PCYOX1L: variants seen among roughly 807,000 people sequenced by gnomAD.
PCYOX1L encodes prenylcysteine oxidase 1-like.
Under a neutral mutation model 44.1 loss-of-function variants are expected in PCYOX1L, and 40 were observed. The ratio of observed to expected loss-of-function variants is 0.91; its 90% CI spans 0.70 to 1.18. The LOEUF is 1.18. PCYOX1L is among the 50% of genes most tolerant of loss of function. The pLI, the probability that PCYOX1L is intolerant of heterozygous loss-of-function variation, is 0.00. For missense variants in PCYOX1L, 605 were observed against 653.3 expected (o/e 0.93, Z 0.81); for synonymous variants, 266 against 282.8 (o/e 0.94, Z 0.60).
intron 1 of PCYOX1L, among the ~76,000 whole-genome samples, chr5:149,361,183 A>G (rs1396398362): frequency 6.6e-6 from 1 of 152,198 alleles, no homozygotes; most frequent in Non-Finnish European, 1.5e-5. Flanking sequence ...CCAAGGCAGG[A>G]GGATCACTTG....
At position 149,358,059 on chromosome 5, in the gene PCYOX1L, G is replaced by C. The variant is rs913780801; in HGVS notation, c.-10G>C. 1 of 1,331,808 alleles carries C rather than the reference G, an allele frequency of 7.5e-7. No individual in the cohort carries two copies. Among genetic ancestry groups the C allele is most frequent in the Admixed American group, 3.9e-5 (1 of 25,762 alleles). The allele number at this position is 1,331,808 out of a possible 1,614,324, so 82.5% of individuals were successfully genotyped here. A position where few individuals can be genotyped will look rare whatever the true frequency, so the allele number is the denominator to read the frequency against. ...CCTGAATCCGGCGTGCTGCCCGCTC[G>C]CCGCCCGCCATGGCCCGCGCAGCCC... On this transcript the variant is annotated 5_prime_UTR_variant, in exon 1 of 6. Coordinates refer to ENST00000274569, the MANE Select transcript of PCYOX1L (RefSeq NM_024028.4).
chr5:149,358,604 C>T (rs1370058155), intron 1 of PCYOX1L, among the ~76,000 whole-genome samples: 2 of 152,140 alleles, frequency 1.3e-5, no homozygotes, highest in African/African-American at 2.4e-5. Flanking sequence ...TGAGGAAGTA[C>T]GGTGCATGCA....
chr5:149,368,550 G>C lies in PCYOX1L; in HGVS notation c.1381G>C (p.Val461Leu). The change falls in exon 6 of 6, where the codon GTG becomes CTG. Residue 461 changes from valine to leucine, a missense_variant. By Grantham distance (32) the Val-to-Leu change is conservative. Transcript: ENST00000274569. ...WAASSVEVMAVAAKNVALLAY... is the reference protein window; with the variant it reads ...WAASSVEVMALAAKNVALLAY... Reference sequence around the variant, plus strand: ...GGCCAGCTCCGTGGAGGTGATGGCCGTGGCTGCCAAGAATGTGGCCTTGCT... The same window carrying C: ...GGCCAGCTCCGTGGAGGTGATGGCCCTGGCTGCCAAGAATGTGGCCTTGCT... 6.2e-7 allele frequency: 1 copy of C among 1,600,394 alleles called. No individual in the cohort carries two copies. The highest frequency in any genetic ancestry group is 8.5e-7 in the Non-Finnish European group (1 of 1,174,710).
At chr5:149,367,112 G>A (rs1435659487) in intron 4 of PCYOX1L, among the ~76,000 whole-genome samples, 5 of 152,158 alleles carry the variant, frequency 3.3e-5, no homozygotes, top group Non-Finnish European at 5.9e-5. Flanking sequence ...CCTAGTCTGG[G>A]CATTCTGCAT....
rs1758185079 is a variant in PCYOX1L at position 149,366,033 on chromosome 5, C to T, written c.562C>T (p.Gln188Ter). Residue 188 changes from glutamine (Q) to a stop codon, truncating the protein, a stop_gained, in exon 4 of 6, where the codon CAG (glutamine) becomes TAG (stop). Transcript: ENST00000274569. LOFTEE classifies it high-confidence loss of function. ...LGESTFVNMTQHSVAESLLQV... is the reference protein window; with the variant it reads ...LGESTFVNMT ...GGAGTCCACCTTTGTTAACATGACCCAGCACTCTGTGGCTGAGTCCCTGCT... is the reference window on the plus strand; with the variant it reads ...GGAGTCCACCTTTGTTAACATGACCTAGCACTCTGTGGCTGAGTCCCTGCT... 2 of 1,614,104 alleles carry T rather than the reference C, an allele frequency of 1.2e-6. No homozygotes were observed.
Position 149,363,110 on chromosome 5 carries a change from T to C in PCYOX1L, c.295+267T>C, listed in dbSNP as rs930273598. 8 of 601,796 alleles carry C rather than the reference T, an allele frequency of 1.3e-5. No homozygotes were observed. The Admixed American group carries it at 1.5e-4, about 11-fold the overall frequency. 37.3% of individuals were successfully genotyped at this position (601,796 alleles called of 1,614,324 possible). ...TTTGCTGCCTCTAAATAATCGTGATTATATCACCTTCCACATGCTAGTGCT... is the reference window on the plus strand; with the variant it reads ...TTTGCTGCCTCTAAATAATCGTGATCATATCACCTTCCACATGCTAGTGCT... On this transcript the variant is annotated intron_variant, in intron 2 of 5. Transcript: ENST00000274569.
chr5:149,363,628 C>G, intron 2 of PCYOX1L: 1 of 233,334 alleles, frequency 4.3e-6, no homozygotes, highest in Non-Finnish European at 8.5e-6. Context: ...CAAGTCATAG[C>G]AGCTCTGTCT....
Position 149,362,699 on chromosome 5 carries a change from C to T in PCYOX1L, c.151C>T (p.Pro51Ser). Residue 51 changes from proline to serine, a missense_variant, in exon 2 of 6, where the codon CCT (proline) becomes TCT (serine). Physicochemically the swap from Pro to Ser is moderately conservative, Grantham distance 74. Coordinates refer to ENST00000274569, the MANE Select transcript of PCYOX1L (RefSeq NM_024028.4). ...CCATTTTCTCCAGCAGCACTTTGGA[C>T]CTCGGGTGCAGATCGACGTGTACGA... ...VAHFLQQHFG[P>S]RVQIDVYEKG... The T allele has an allele frequency of 1.2e-6, 2 of 1,614,198 alleles. No individual in the cohort carries two copies. Among genetic ancestry groups the T allele is most frequent in the Non-Finnish European group, 1.7e-6 (2 of 1,180,042 alleles).
intron 1 of PCYOX1L, among the ~76,000 whole-genome samples, chr5:149,358,655 G>T (rs1449018529): frequency 1.3e-5 from 2 of 152,190 alleles, no homozygotes; most frequent in African/African-American, 4.8e-5. Flanking sequence ...CCCTGGGAGG[G>T]CTTCCTGGAA....
In PCYOX1L at chr5:149,361,174, C is replaced by A. The variant is rs542370892; in HGVS notation, c.89-1463C>A. Among the ~76,000 whole-genome samples, 14 of 152,194 alleles carry A rather than the reference C, an allele frequency of 9.2e-5. 1 individual carries two copies. Among genetic ancestry groups the A allele is most frequent in the African/African-American group, 3.4e-4 (14 of 41,508 alleles). ...CTGTAATTCCAGCACTTGGGGAGGC[C>A]AAGGCAGGAGGATCACTTGAGCTCA... is the stretch of plus-strand genomic sequence containing the variant. On this transcript the variant is annotated intron_variant, in intron 1 of 5. Transcript: ENST00000274569.
intron 1 of PCYOX1L, among the ~76,000 whole-genome samples, chr5:149,361,060 A>T (rs1455133227): frequency 6.6e-6 from 1 of 152,196 alleles, no homozygotes; most frequent in Non-Finnish European, 1.5e-5. Flanking sequence ...GTAGGGTGGT[A>T]GTCCAGTTCA....
Position 149,368,534 on chromosome 5 carries a change from C to T in PCYOX1L, c.1365C>T (p.Ser455=), listed in dbSNP as rs752116845. ...ATGCCCTGGAGTGGGCGGCCAGCTC[C>T]GTGGAGGTGATGGCCGTGGCTGCCA... ...YLNALEWAAS[S]VEVMAVAAKN... The change falls in exon 6 of 6, where the codon TCC becomes TCT. Residue 455 remains serine, a synonymous_variant. Transcript: ENST00000274569. The T allele has an allele frequency of 4.4e-6, 7 of 1,608,524 alleles. No individual in the cohort carries two copies. The highest frequency in any genetic ancestry group is 2.2e-5 in the East Asian group (1 of 44,860).
rs1407344567 is a variant in PCYOX1L at position 149,366,066 on chromosome 5, G to A, written c.595G>A (p.Gly199Ser). ...TGTGGCTGAGTCCCTGCTGCAGGTG[G>A]GCGTCACGCAGCGCTTTATTGATGA... The part of the protein sequence containing the change: ...HSVAESLLQV[G>S]VTQRFIDDVV... Residue 199 changes from glycine to serine, a missense_variant, in exon 4 of 6, where the codon GGC becomes AGC. Transcript: ENST00000274569. 6.2e-7 allele frequency: 1 copy of A among 1,614,178 alleles called. No homozygotes were observed. The highest frequency in any genetic ancestry group is 1.1e-5 in the South Asian group (1 of 91,080).
At chr5:149,364,253 G>A (rs748894109) in intron 3 of PCYOX1L, 43 bp downstream of exon 3, 12 of 1,607,698 alleles carry the variant, frequency 7.5e-6, no homozygotes, top group South Asian at 5.5e-5. Context: ...CAGGGGAACC[G>A]AGAAGAGGTG....
At chr5:149,360,889 TG>T (rs1242028852) in intron 1 of PCYOX1L, among the ~76,000 whole-genome samples, 1 of 152,196 alleles carries the variant, frequency 6.6e-6, no homozygotes, top group Non-Finnish European at 1.5e-5. Context: ...GTCTGAGGAT[TG>T]CCTGTGACTT....
In PCYOX1L at chr5:149,368,609, G is replaced by A; in HGVS notation, c.1440G>A (p.Lys480=). 6.5e-7 allele frequency: 1 copy of A among 1,535,532 alleles called. No homozygotes were observed. Among genetic ancestry groups the A allele is most frequent in the Admixed American group, 2.1e-5 (1 of 47,048 alleles). ...AYNRWYQDLD[K]IDQKDLMHKV... Reference sequence around the variant, plus strand: ...ACCGCTGGTACCAGGACCTAGACAAGATTGATCAAAAAGATTTGATGCACA... The same window carrying A: ...ACCGCTGGTACCAGGACCTAGACAAAATTGATCAAAAAGATTTGATGCACA... The change falls in exon 6 of 6, where the codon AAG becomes AAA. Residue 480 remains lysine (K), a synonymous_variant. Transcript: ENST00000274569.
chr5:149,365,229 A>G (rs1307297740), intron 3 of PCYOX1L: 1 of 152,262 alleles, frequency 6.6e-6, no homozygotes, highest in African/African-American at 2.4e-5. Flanking sequence ...ATGGGAAATG[A>G]CTTCTCCCTC....
In PCYOX1L at chr5:149,362,722, C is replaced by T. The variant is rs150666383; in HGVS notation, c.174C>T (p.Tyr58=). The T allele has an allele frequency of 8.5e-5, 137 of 1,614,172 alleles. No homozygotes were observed. In the African/African-American group the frequency reaches 1.3e-3, roughly 15 times the overall value. Residue 58 remains tyrosine (Y), a synonymous_variant, in exon 2 of 6, where the codon TAC becomes TAT. Coordinates refer to ENST00000274569, the MANE Select transcript of PCYOX1L (RefSeq NM_024028.4). ...GACCTCGGGTGCAGATCGACGTGTA[C>T]GAGAAGGGAACCGTGGGTGGCCGCT... ...HFGPRVQIDV[Y]EKGTVGGRLA...
In PCYOX1L at chr5:149,367,973, T is replaced by C. The variant is rs1758275979; in HGVS notation, c.824-20T>C. ...GTAGAAGCCAAGGGAAAGTTGACTT[T>C]TGTGCTCTTTTCTTTCCAGAGGGGA... On this transcript the variant is annotated intron_variant, in intron 5 of 5. Coordinates refer to ENST00000274569, the MANE Select transcript of PCYOX1L (RefSeq NM_024028.4). The C allele has an allele frequency of 2.0e-6, 3 of 1,520,708 alleles. No homozygotes were observed. The highest frequency in any genetic ancestry group is 2.3e-5 in the Admixed American group (1 of 44,398). The allele number at this position is 1,520,708 out of a possible 1,614,324, so 94.2% of individuals were successfully genotyped here.
Sources: allele counts gnomAD v4.1 joint callset (sites outside exome capture counted in the v4.1 genomes callset), GRCh38; gene constraint gnomAD v4.1.1; transcripts MANE v1.5; gene names NCBI Gene and HGNC (gene_info 2026-07-23, HGNC 2026-07-21).